Variants in SDCCAG8 observed in about 807,000 individuals in gnomAD.
The protein encoded by SDCCAG8 is serologically defined colon cancer antigen 8.
In SDCCAG8, 74 loss-of-function variants were observed where a neutral mutation model predicts 101.8. The observed-to-expected ratio is 0.73, with a 90% confidence interval of 0.60 to 0.88. The LOEUF (loss-of-function observed/expected upper bound fraction) is 0.88. Ranked by LOEUF, SDCCAG8 falls within the 40% of genes least tolerant of loss-of-function variation. The probability of loss-of-function intolerance (pLI) is 0.00; values close to 1 mark genes in which losing one functional copy is unlikely to be tolerated. For missense variants in SDCCAG8, 787 were observed against 822.6 expected (o/e 0.96, Z 0.53); for synonymous variants, 281 against 292.9 (o/e 0.96, Z 0.41).
intron 1 of SDCCAG8, among the ~76,000 whole-genome samples, chr1:243,258,652 A>T (rs1300859051): frequency 6.6e-6 from 1 of 152,110 alleles, no homozygotes; most frequent in Non-Finnish European, 1.5e-5. Context: ...TGATCCGCCC[A>T]CTTCAGCCTC....
intron 11 of SDCCAG8, 109 bp downstream of exon 11, chr1:243,341,282 G>C: frequency 7.9e-7 from 1 of 1,264,234 alleles, no homozygotes; most frequent in Non-Finnish European, 1.1e-6. Flanking sequence ...GTTTGGAGTA[G>C]AAAAGTTTTG....
At chr1:243,382,413 A>G (rs868136567) in intron 13 of SDCCAG8, among the ~76,000 whole-genome samples, 4 of 152,168 alleles carry the variant, frequency 2.6e-5, no homozygotes, top group Non-Finnish European at 5.9e-5. Flanking sequence ...TATATTTTTA[A>G]GTGGATGAAA....
chr1:243,417,914 C>G, intron 14 of SDCCAG8, 54 bp from the exon 15 acceptor site: 1 of 1,313,602 alleles, frequency 7.6e-7, no homozygotes, highest in Non-Finnish European at 1.1e-6. Context: ...GGAAGCACTG[C>G]AGAGCGACAA....
intron 12 of SDCCAG8, among the ~76,000 whole-genome samples, chr1:243,358,308 T>C (rs1038862527): frequency 6.6e-6 from 1 of 152,132 alleles, no homozygotes; most frequent in African/African-American, 2.4e-5. Flanking sequence ...AAAGAAGATA[T>C]GTTAATAATA....
chr1:243,256,411 T>A (rs983008738), intron 1 of SDCCAG8, among the ~76,000 whole-genome samples, 171 bp downstream of exon 1: 3 of 152,248 alleles, frequency 2.0e-5, no homozygotes, highest in Non-Finnish European at 4.4e-5. Flanking sequence ...ATTTAGTTTT[T>A]ACAGTTAAGC....
At chr1:243,390,326 G>A (rs1038590959) in intron 13 of SDCCAG8, among the ~76,000 whole-genome samples, 1 of 152,162 alleles carries the variant, frequency 6.6e-6, no homozygotes, top group East Asian at 1.9e-4. Flanking sequence ...AGATGGCCTT[G>A]GTGCTGTTTT....
At chr1:243,378,590 G>T (rs1455311530) in intron 12 of SDCCAG8, 131 bp from the exon 13 acceptor site, 4 of 936,040 alleles carry the variant, frequency 4.3e-6, no homozygotes, top group Non-Finnish European at 6.6e-6. Flanking sequence ...GTCATAAAAT[G>T]GAAGCTAGCC....
Position 243,286,278 on chromosome 1 carries a change from C to G in SDCCAG8, c.427C>G (p.Leu143Val), listed in dbSNP as rs371179612. Residue 143 changes from leucine to valine, a missense_variant, in exon 5 of 18, where the codon CTC becomes GTC. Physicochemically the swap from Leu to Val is conservative, Grantham distance 32. Transcript: ENST00000366541. ...TTGGTTTTGTTTATTATAGGAGGAA[C>G]TCTCTGGAATGAAAAATAAAATACA... ...EAEVKFCKEE[L>V]SGMKNKIQVV... 3 of 1,613,768 alleles carry G rather than the reference C, an allele frequency of 1.9e-6. No individual in the cohort carries two copies. In the African/African-American group the frequency reaches 4.0e-5, roughly 22 times the overall value.
intron 1 of SDCCAG8, among the ~76,000 whole-genome samples, chr1:243,259,279 C>T (rs1341096285): frequency 5.9e-5 from 9 of 151,482 alleles, no homozygotes; most frequent in Non-Finnish European, 8.8e-5. Context: ...TGGTGGCGGG[C>T]GCCTGTAGTC....
At chr1:243,319,332 A>T (rs1298451149) in intron 9 of SDCCAG8, among the ~76,000 whole-genome samples, 1 of 152,072 alleles carries the variant, frequency 6.6e-6, no homozygotes, top group Non-Finnish European at 1.5e-5. Context: ...AAATCTCTCA[A>T]TTGAGAAGGC....
At chr1:243,453,850 A>T (rs1218559167) in intron 16 of SDCCAG8, among the ~76,000 whole-genome samples, 1 of 152,258 alleles carries the variant, frequency 6.6e-6, no homozygotes, top group African/African-American at 2.4e-5. Context: ...ATTTCAGCAC[A>T]TAAAATAAGA....
chr1:243,434,436 T>C (rs1297069815), intron 16 of SDCCAG8, among the ~76,000 whole-genome samples: 1 of 152,220 alleles, frequency 6.6e-6, no homozygotes, highest in Non-Finnish European at 1.5e-5. Flanking sequence ...AATTATACTC[T>C]TATGAAGAAA....
chr1:243,293,125 A>G lies in SDCCAG8; in HGVS notation c.581A>G (p.Glu194Gly). Residue 194 changes from glutamate (E) to glycine (G), a missense_variant, in exon 6 of 18, where the codon GAA (glutamate) becomes GGA (glycine). By Grantham distance (98) the Glu-to-Gly change is moderately conservative. Transcript: ENST00000366541. ...NMHNSWITTGEDSGVGETSKR... is the reference protein window; with the variant it reads ...NMHNSWITTGGDSGVGETSKR... ...CACAATTCTTGGATTACAACAGGTGAAGATTCTGGGGTGGGCGAAACCTCC... is the reference window on the plus strand; with the variant it reads ...CACAATTCTTGGATTACAACAGGTGGAGATTCTGGGGTGGGCGAAACCTCC... 1.2e-6 allele frequency: 2 copies of G among 1,614,136 alleles called. No individual in the cohort carries two copies. Among genetic ancestry groups the G allele is most frequent in the Non-Finnish European group, 1.7e-6 (2 of 1,180,010 alleles).
intron 1 of SDCCAG8, among the ~76,000 whole-genome samples, chr1:243,262,372 C>T (rs2067261728): frequency 6.6e-6 from 1 of 151,994 alleles, no homozygotes; most frequent in Non-Finnish European, 1.5e-5. Flanking sequence ...TCCCAAAGTG[C>T]TGGGATTACA....
At chr1:243,489,994 G>A (rs906112882) in intron 17 of SDCCAG8, among the ~76,000 whole-genome samples, 1 of 152,192 alleles carries the variant, frequency 6.6e-6, no homozygotes, top group Non-Finnish European at 1.5e-5. Flanking sequence ...GTGGTCCGTG[G>A]GCTGACCAAG....
At chr1:243,260,640 G>C (rs1301090883) in intron 1 of SDCCAG8, among the ~76,000 whole-genome samples, 1 of 152,100 alleles carries the variant, frequency 6.6e-6, no homozygotes, top group East Asian at 1.9e-4. Flanking sequence ...CTGCAGCGTT[G>C]GGAATAGATA....
At chr1:243,333,679 A>G (rs945617498) in intron 10 of SDCCAG8, among the ~76,000 whole-genome samples, 6 of 152,142 alleles carry the variant, frequency 3.9e-5, no homozygotes, top group African/African-American at 1.4e-4. Flanking sequence ...TGTTTACACT[A>G]TATTTACTGA....
intron 12 of SDCCAG8, among the ~76,000 whole-genome samples, chr1:243,364,973 G>A (rs1168441940): frequency 6.6e-6 from 1 of 152,176 alleles, no homozygotes; most frequent in Non-Finnish European, 1.5e-5. Context: ...ATTAACAGTT[G>A]TCTGAGGAGA....
intron 16 of SDCCAG8, among the ~76,000 whole-genome samples, chr1:243,430,674 G>A (rs905371358): frequency 2.6e-5 from 4 of 151,694 alleles, no homozygotes; most frequent in Non-Finnish European, 4.4e-5. Context: ...TCCTGACCTC[G>A]TGATCCGCCA....
Sources: allele counts gnomAD v4.1 joint callset (sites outside exome capture counted in the v4.1 genomes callset), GRCh38; gene constraint gnomAD v4.1.1; transcripts MANE v1.5; gene names NCBI Gene and HGNC (gene_info 2026-07-23, HGNC 2026-07-21).